The following BCAS3 variants were observed in gnomAD, a reference collection of about 807,000 sequenced individuals.
BCAS3 encodes BCAS4/BCAS3 fusion.
BCAS3 carries 53 observed loss-of-function variants against 116.1 expected under a neutral mutation model. The observed-to-expected ratio is 0.46, with a 90% CI of 0.37 to 0.57. The LOEUF is 0.57. Ranked by LOEUF, BCAS3 falls within the 20% of genes least tolerant of loss-of-function variation. The probability of loss-of-function intolerance (pLI) is 0.00; values close to 1 mark genes in which losing one functional copy is unlikely to be tolerated. For missense variants in BCAS3, 917 were observed against 1,165.4 expected, an observed-to-expected ratio of 0.79 and a Z score of 3.10; for synonymous variants, 391 against 408.2, an observed-to-expected ratio of 0.96 and a Z score of 0.51.
rs1470393326 is a variant in BCAS3 at position 61,161,345 on chromosome 17, G to A, written c.2425+76781G>A. Reference sequence around the variant, plus strand: ...CAAATATTGTTAAAGAGGTATTCTGGTTACATTTGGAATTTAGAAAAGGCC... The same window carrying A: ...CAAATATTGTTAAAGAGGTATTCTGATTACATTTGGAATTTAGAAAAGGCC... On this transcript the variant is annotated intron_variant, in intron 22 of 23. Coordinates refer to ENST00000407086, the MANE Select transcript of BCAS3 (RefSeq NM_017679.5). The surrounding 1 kb of genome is among the most constrained non-coding windows in gnomAD (Gnocchi z 4.8). Among the ~76,000 whole-genome samples, 1 of 152,084 alleles carries A rather than the reference G, an allele frequency of 6.6e-6. No homozygotes were observed. Among genetic ancestry groups the A allele is most frequent in the Non-Finnish European group, 1.5e-5 (1 of 68,014 alleles).
chr17:60,799,090 C>G (rs2047466797), intron 6 of BCAS3, among the ~76,000 whole-genome samples: 1 of 152,050 alleles, frequency 6.6e-6, no homozygotes, highest in Non-Finnish European at 1.5e-5. Flanking sequence ...CAAATGTTTT[C>G]TAGTCTGTAG....
At chr17:60,700,096 C>G (rs945529860) in intron 4 of BCAS3, among the ~76,000 whole-genome samples, 12 of 151,234 alleles carry the variant, frequency 7.9e-5, no homozygotes, top group Non-Finnish European at 1.2e-4. Flanking sequence ...ATTCCTCGAG[C>G]CCAGGAGGTT....
chr17:60,988,390 A>AATAAAAGC (rs2059245778), intron 14 of BCAS3, among the ~76,000 whole-genome samples: 1 of 128,500 alleles, frequency 7.8e-6, no homozygotes, highest in African/African-American at 2.8e-5. Flanking sequence ...GTTTCAGAGT[A>AATAAAAGC]ATAAAAGCAT....
chr17:60,834,625 G>A (rs752728822), intron 7 of BCAS3, among the ~76,000 whole-genome samples: 2 of 151,878 alleles, frequency 1.3e-5, no homozygotes, highest in Non-Finnish European at 2.9e-5. Context: ...AGTATATTTG[G>A]CCTCACTGTG....
chr17:61,059,581 T>C (rs985297776), intron 19 of BCAS3, among the ~76,000 whole-genome samples: 6 of 152,202 alleles, frequency 3.9e-5, no homozygotes, highest in African/African-American at 1.4e-4. Context: ...TTCTCATGAT[T>C]CCACCTACTT....
chr17:61,138,451 C>CTA (rs1406333887), intron 22 of BCAS3, among the ~76,000 whole-genome samples: 1 of 152,194 alleles, frequency 6.6e-6, no homozygotes, highest in Non-Finnish European at 1.5e-5. Flanking sequence ...TGTACCTTGG[C>CTA]TATGTGACTT....
intron 22 of BCAS3, among the ~76,000 whole-genome samples, chr17:61,303,935 T>C (rs2053642254): frequency 6.6e-6 from 1 of 152,180 alleles, no homozygotes; most frequent in South Asian, 2.1e-4. Flanking sequence ...GTTCCTAGTC[T>C]AACCCATCCC....
rs1008575 is a variant in BCAS3 at position 61,294,488 on chromosome 17, T to C, written c.2426-73839T>C. On this transcript the variant is annotated intron_variant, in intron 22 of 23. Transcript: ENST00000407086. ...TTGTTATTAAAAAATTCCATGCTGG[T>C]TGTATGAGTTCAGGAAGCCTGAGGA... 4.6e-3 allele frequency among the ~76,000 whole-genome samples: 705 copies of C among 152,266 alleles called. 5 individuals are homozygous for C. Among genetic ancestry groups the C allele is most frequent in the African/African-American group, 0.016 (675 of 41,560 alleles).
chr17:61,106,168 C>A lies in BCAS3; in HGVS notation c.2425+21604C>A, dbSNP rs2074635371. The stretch of plus-strand genomic sequence containing the variant: ...TTTATTACCAGTTATTGTTGTTAAT[C>A]TTTGTGCCTAACTTATAAATTAAAC... On this transcript the variant is annotated intron_variant, in intron 22 of 23. Coordinates refer to ENST00000407086, the MANE Select transcript of BCAS3 (RefSeq NM_017679.5). The surrounding 1 kb of genome is among the most constrained non-coding windows in gnomAD (Gnocchi z 4.2). Among the ~76,000 whole-genome samples the A allele has an allele frequency of 6.6e-6, 1 of 152,144 alleles. No homozygotes were observed. The highest frequency in any genetic ancestry group is 6.5e-5 in the Admixed American group (1 of 15,276).
intron 5 of BCAS3, among the ~76,000 whole-genome samples, chr17:60,713,788 G>T (rs2038214657): frequency 1.3e-5 from 2 of 152,232 alleles, no homozygotes; most frequent in African/African-American, 4.8e-5. Flanking sequence ...TGTGGAACCA[G>T]TCAGCACAGA....
At chr17:60,998,049 G>C (rs1302964253) in intron 15 of BCAS3, among the ~76,000 whole-genome samples, 1 of 152,048 alleles carries the variant, frequency 6.6e-6, no homozygotes, top group Non-Finnish European at 1.5e-5. Flanking sequence ...CTTTGTGTCT[G>C]TATACACCCA....
At chr17:61,359,206 T>A (rs2058318937) in intron 22 of BCAS3, among the ~76,000 whole-genome samples, 1 of 152,148 alleles carries the variant, frequency 6.6e-6, no homozygotes, top group African/African-American at 2.4e-5. Context: ...TTTCATAGAA[T>A]CCCACTGCCC....
At chr17:60,711,306 T>G (rs913793205) in intron 5 of BCAS3, among the ~76,000 whole-genome samples, 1 of 152,190 alleles carries the variant, frequency 6.6e-6, no homozygotes, top group African/African-American at 2.4e-5. Flanking sequence ...TTGGTATTGT[T>G]CCAAAGGCGT....
Position 61,136,691 on chromosome 17 carries a change from C to T in BCAS3, c.2425+52127C>T, listed in dbSNP as rs1024451642. 6.6e-6 allele frequency among the ~76,000 whole-genome samples: 1 copy of T among 152,186 alleles called. No individual in the cohort carries two copies. The highest frequency in any genetic ancestry group is 1.5e-5 in the Non-Finnish European group (1 of 68,020). ...TCTTATACCTCAGCCTCCTGAGTAG[C>T]TGGGATTACAGGTGTGTGCCACCAC... On this transcript the variant is annotated intron_variant, in intron 22 of 23. Coordinates refer to ENST00000407086, the MANE Select transcript of BCAS3 (RefSeq NM_017679.5). This position sits in a 1 kb window ranked among gnomAD's most constrained non-coding sequence, Gnocchi z 4.4.
chr17:61,038,913 G>A (rs1187580399), intron 18 of BCAS3, among the ~76,000 whole-genome samples: 1 of 151,246 alleles, frequency 6.6e-6, no homozygotes, highest in East Asian at 2.0e-4. Flanking sequence ...CACTCGCCTT[G>A]GCCTCCCAAA....
chr17:60,779,362 TTTTC>T (rs1261431189), intron 6 of BCAS3, among the ~76,000 whole-genome samples: 8 of 151,858 alleles, frequency 5.3e-5, no homozygotes, highest in African/African-American at 9.7e-5. Flanking sequence ...ACGTAAGTTA[TTTTC>T]TTTCTTTTTT....
At chr17:60,698,071 C>T (rs998453523) in intron 4 of BCAS3, among the ~76,000 whole-genome samples, 7 of 148,810 alleles carry the variant, frequency 4.7e-5, no homozygotes, top group East Asian at 2.0e-4. Context: ...CCCAGCTACT[C>T]GGGAGGCTGA....
Position 61,037,975 on chromosome 17 carries a change from C to G in BCAS3, c.1849C>G (p.Leu617Val), listed in dbSNP as rs778385378. The change falls in exon 18 of 24, where the codon CTC (leucine) becomes GTC (valine). Residue 617 changes from leucine to valine, a missense_variant. Physicochemically the swap from Leu to Val is conservative, Grantham distance 32. Coordinates refer to ENST00000407086, the MANE Select transcript of BCAS3 (RefSeq NM_017679.5). The surrounding 1 kb of genome is among the most constrained non-coding windows in gnomAD (Gnocchi z 4.7). ...GGAACACATGATGGAGCCGCGACCC[C>G]TCAGCACTGCACCCAAGATTAGTGA... is the stretch of plus-strand genomic sequence containing the variant. ...LVEHMMEPRP[L>V]STAPKISDDT... 1 of 1,614,158 alleles carries G rather than the reference C, an allele frequency of 6.2e-7. No homozygotes were observed.
At position 61,199,424 on chromosome 17, in the gene BCAS3, C is replaced by T. The variant is rs548919785; in HGVS notation, c.2425+114860C>T. ...TCGACATCATACTGACTACAAATTA[C>T]CTCCCCTAGTTTAAAGGCAAATAGT... is the stretch of plus-strand genomic sequence containing the variant. On this transcript the variant is annotated intron_variant, in intron 22 of 23. Coordinates refer to ENST00000407086, the MANE Select transcript of BCAS3 (RefSeq NM_017679.5). This position sits in a 1 kb window ranked among gnomAD's most constrained non-coding sequence, Gnocchi z 4.6. Among the ~76,000 whole-genome samples the T allele has an allele frequency of 6.6e-6, 1 of 152,314 alleles. No homozygotes were observed. The highest frequency in any genetic ancestry group is 2.1e-4 in the South Asian group (1 of 4,828).
Sources: gnomAD v4.1 joint callset for allele counts (sites outside exome capture counted in the v4.1 genomes callset) on GRCh38, gnomAD v4.1.1 for gene constraint, Gnocchi (gnomAD v3.1) non-coding constraint, MANE v1.5 for transcripts, NCBI Gene and HGNC (gene_info 2026-07-23, HGNC 2026-07-21) for gene names.